CD101: variants seen among roughly 807,000 people sequenced by gnomAD.
CD101 encodes CD101 molecule.
In CD101, 76 loss-of-function variants were observed where a neutral mutation model predicts 98.2. The observed-to-expected ratio is 0.77, with a 90% CI of 0.64 to 0.94. The LOEUF (loss-of-function observed/expected upper bound fraction) is 0.94. Among genes scored for constraint, CD101 ranks in the 40% least tolerant of loss-of-function variants. The pLI is 0.00. For missense variants in CD101, 1,145 were observed against 1,218.8 expected (o/e 0.94, Z 0.90); for synonymous variants, 471 against 472.7 (o/e 1.00, Z 0.05).
intron 1 of CD101, among the ~76,000 whole-genome samples, chr1:117,007,358 T>C (rs916366640): frequency 1.4e-5 from 2 of 144,808 alleles, no homozygotes; most frequent in African/African-American, 5.0e-5. Flanking sequence ...CCTAGTTTGC[T>C]TTTTTTTTTT....
Position 117,025,819 on chromosome 1 carries a change from G to A in CD101, c.2739G>A (p.Glu913=), listed in dbSNP as rs765409075. 7 of 1,614,206 alleles carry A rather than the reference G, an allele frequency of 4.3e-6. No individual in the cohort carries two copies. The Admixed American group carries it at 1.2e-4, about 27-fold the overall frequency. Residue 913 remains glutamate, a synonymous_variant, in exon 8 of 10, where the codon GAG becomes GAA. Transcript: ENST00000682167. ...GAATGTACTGGTGTAGGGTGGCAGA[G>A]TGGCAGCTCCATGGACACCCAAGCA... ...DAGMYWCRVA[E]WQLHGHPSKW...
At chr1:117,002,398 C>T (rs1433320873) in intron 1 of CD101, among the ~76,000 whole-genome samples, 1 of 152,188 alleles carries the variant, frequency 6.6e-6, no homozygotes, top group Admixed American at 6.5e-5. Flanking sequence ...GGAAGATTCA[C>T]TTGGCTCTAC....
At chr1:117,003,107 A>G (rs767037764) in intron 1 of CD101, among the ~76,000 whole-genome samples, 17 of 152,206 alleles carry the variant, frequency 1.1e-4, no homozygotes, top group Non-Finnish European at 2.1e-4. Flanking sequence ...GAGCCACTGC[A>G]CTCCAGCCTG....
chr1:117,018,950 T>C lies in CD101; in HGVS notation c.2017+390T>C, dbSNP rs1408117688. ...TACCAGTTAGTAAACATTTGCAGTG[T>C]CTCTGCTAGTGGTAGGGATAAGGTA... On this transcript the variant is annotated intron_variant, in intron 6 of 9. Transcript: ENST00000682167. The surrounding 1 kb of genome is among the most constrained non-coding windows in gnomAD (Gnocchi z 4.3). Among the ~76,000 whole-genome samples the C allele has an allele frequency of 1.3e-5, 2 of 152,220 alleles. No individual in the cohort carries two copies. The highest frequency in any genetic ancestry group is 2.9e-5 in the Non-Finnish European group (2 of 68,038).
intron 8 of CD101, among the ~76,000 whole-genome samples, chr1:117,029,176 AAAG>A (rs1654177721): frequency 1.8e-5 from 2 of 108,136 alleles, no homozygotes; most frequent in African/African-American, 3.9e-5. Flanking sequence ...AGAAAGAAAG[AAAG>A]AAAGAAAGAA....
At chr1:117,013,002 G>C (rs939798674) in intron 3 of CD101, among the ~76,000 whole-genome samples, 7 of 152,074 alleles carry the variant, frequency 4.6e-5, no homozygotes, top group African/African-American at 1.7e-4. Context: ...AGAAAATTCT[G>C]CTGGATATTC....
Position 117,012,298 on chromosome 1 carries a change from A to G in CD101, c.841+332A>G, listed in dbSNP as rs1407900463. 6.6e-6 allele frequency among the ~76,000 whole-genome samples: 1 copy of G among 152,182 alleles called. No homozygotes were observed. The stretch of plus-strand genomic sequence containing the variant: ...CTAATTTAGTCGTAACCACCACCCT[A>G]TGAGGCAAGTAGTTGAGTCTCCATT... On this transcript the variant is annotated intron_variant, in intron 3 of 9. Coordinates refer to ENST00000682167, the MANE Select transcript of CD101 (RefSeq NM_001256106.3). This position sits in a 1 kb window ranked among gnomAD's most constrained non-coding sequence, Gnocchi z 4.0.
In CD101 at chr1:117,026,493, C is replaced by T. The variant is rs551193557; in HGVS notation, c.2824+589C>T. 6 of 152,404 alleles carry T rather than the reference C, an allele frequency of 3.9e-5. No individual in the cohort carries two copies. The East Asian group carries it at 1.2e-3, about 29-fold the overall frequency. The allele number at this position is 152,404 out of a possible 1,614,324, so 9.4% of individuals were successfully genotyped here. ...CTGTTCATTCCTCAGCAGAAGTTTT[C>T]TCCTGAGTGCCAGGCCAAAATGTTT... On this transcript the variant is annotated intron_variant, in intron 8 of 9. Coordinates refer to ENST00000682167, the MANE Select transcript of CD101 (RefSeq NM_001256106.3).
Position 117,011,517 on chromosome 1 carries a change from C to A in CD101, c.425-33C>A. ...GGAGGCCCACTGGACAAGCACTGGG[C>A]CAGTCACATTATTATCATTCCTTTG... On this transcript the variant is annotated intron_variant, in intron 2 of 9. Coordinates refer to ENST00000682167, the MANE Select transcript of CD101 (RefSeq NM_001256106.3). 1.9e-6 allele frequency: 3 copies of A among 1,583,944 alleles called. No homozygotes were observed. The South Asian group carries it at 3.5e-5, about 18-fold the overall frequency.
chr1:117,034,430 G>T lies in CD101; in HGVS notation c.*33+296G>T, dbSNP rs144483553. On this transcript the variant is annotated intron_variant, in intron 9 of 9. Coordinates refer to ENST00000682167, the MANE Select transcript of CD101 (RefSeq NM_001256106.3). Reference sequence around the variant, plus strand: ...CTGGAGGGCTAAATGAGATCCTACAGCAATGCCCTGGTGGGGCTTCTCTCT... The same window carrying T: ...CTGGAGGGCTAAATGAGATCCTACATCAATGCCCTGGTGGGGCTTCTCTCT... 2.6e-5 allele frequency among the ~76,000 whole-genome samples: 4 copies of T among 152,288 alleles called. No individual in the cohort carries two copies. The East Asian group carries it at 7.7e-4, about 29-fold the overall frequency.
rs142460852 is a variant in CD101, at chr1:117,013,796, C to T, written c.1228+4C>T. 2.8e-5 allele frequency: 45 copies of T among 1,606,078 alleles called. 1 individual carries two copies. The African/African-American group carries it at 2.9e-4, about 11-fold the overall frequency. On this transcript the variant is annotated splice_donor_region_variant and intron_variant, in intron 4 of 9. Coordinates refer to ENST00000682167, the MANE Select transcript of CD101 (RefSeq NM_001256106.3). ...GTGCACCTGAGGAAGCCAGCAGGTACGTAAAGTCAAGGCCAGGCATGCATT... is the reference window on the plus strand; with the variant it reads ...GTGCACCTGAGGAAGCCAGCAGGTATGTAAAGTCAAGGCCAGGCATGCATT...
chr1:117,033,755 T>C lies in CD101; in HGVS notation c.2825-105T>C. 1.3e-6 allele frequency: 2 copies of C among 1,494,942 alleles called. No individual in the cohort carries two copies. The highest frequency in any genetic ancestry group is 1.8e-6 in the Non-Finnish European group (2 of 1,101,946). 92.6% of individuals were successfully genotyped at this position (1,494,942 alleles called of 1,614,324 possible). A position where few individuals can be genotyped will look rare whatever the true frequency, so the allele number is the denominator to read the frequency against. ...GCCCACTGCTATTTGGCCCCATTAT[T>C]TTTACATATACTTGCCTATAACAAT... On this transcript the variant is annotated intron_variant, in intron 8 of 9. Coordinates refer to ENST00000682167, the MANE Select transcript of CD101 (RefSeq NM_001256106.3). This position sits in a 1 kb window ranked among gnomAD's most constrained non-coding sequence, Gnocchi z 4.8.
At position 117,013,519 on chromosome 1, in the gene CD101, T is replaced by C; in HGVS notation, c.955T>C (p.Trp319Arg). 4 of 1,614,206 alleles carry C rather than the reference T, an allele frequency of 2.5e-6. No homozygotes were observed. Among genetic ancestry groups the C allele is most frequent in the Non-Finnish European group, 3.4e-6 (4 of 1,180,026 alleles). ...CCGTGACCCACAGCTTCAAGGCATT[T>C]GGTTCTTCAATGGGACTGAAATTGC... ...SGRDPQLQGI[W>R]FFNGTEIAHI... is the part of the protein sequence containing the mutation. The change falls in exon 4 of 10, where the codon TGG becomes CGG. Residue 319 changes from tryptophan (W) to arginine (R), a missense_variant. Coordinates refer to ENST00000682167, the MANE Select transcript of CD101 (RefSeq NM_001256106.3).
Position 117,010,335 on chromosome 1 carries a change from TG to T in CD101, c.424+108del. On this transcript the variant is annotated intron_variant, in intron 2 of 9. Coordinates refer to ENST00000682167, the MANE Select transcript of CD101 (RefSeq NM_001256106.3). This position sits in a 1 kb window ranked among gnomAD's most constrained non-coding sequence, Gnocchi z 5.2. ...TGGCTTTATATTGTTCCATTTTCTT[TG>T]GGAAAAGAGCCCATGTACCCCTGTG... is the stretch of plus-strand genomic sequence containing the variant. 1 of 1,294,080 alleles carries T rather than the reference TG, an allele frequency of 7.7e-7. No homozygotes were observed. Among genetic ancestry groups the T allele is most frequent in the East Asian group, 2.3e-5 (1 of 42,688 alleles). 80.2% of individuals were successfully genotyped at this position (1,294,080 alleles called of 1,614,324 possible). A position where few individuals can be genotyped will look rare whatever the true frequency, so the allele number is the denominator to read the frequency against.
Position 117,034,481 on chromosome 1 carries a change from G to A in CD101, c.*33+347G>A, listed in dbSNP as rs573784221. On this transcript the variant is annotated intron_variant, in intron 9 of 9. Coordinates refer to ENST00000682167, the MANE Select transcript of CD101 (RefSeq NM_001256106.3). ...CCCTCTTATGTCACTTGTCACACCT[G>A]CTCTAGGTAATCATTTTCCTCCAGA... 2.6e-5 allele frequency among the ~76,000 whole-genome samples: 4 copies of A among 152,278 alleles called. No individual in the cohort carries two copies. In the East Asian group the frequency reaches 7.7e-4, roughly 29 times the overall value.
intron 8 of CD101, chr1:117,026,685 A>G (rs923240041): frequency 6.6e-6 from 1 of 152,232 alleles, no homozygotes; most frequent in African/African-American, 2.4e-5. Flanking sequence ...CTGTGATGAA[A>G]AGCGTATCTT....
At position 117,021,650 on chromosome 1, in the gene CD101, A is replaced by G. The variant is rs377288960; in HGVS notation, c.2095A>G (p.Ile699Val). ...INSNTDIECS[I>V]LSRSNGNLQL... is the part of the protein sequence containing the mutation. ...CTCCAACACTGATATAGAATGTAGC[A>G]TCTTGTCCCGGTCCAATGGAAACCT... Residue 699 changes from isoleucine to valine, a missense_variant, in exon 7 of 10, where the codon ATC becomes GTC. Coordinates refer to ENST00000682167, the MANE Select transcript of CD101 (RefSeq NM_001256106.3). This position sits in a 1 kb window ranked among gnomAD's most constrained non-coding sequence, Gnocchi z 4.7. 9.3e-6 allele frequency: 15 copies of G among 1,614,124 alleles called. No individual in the cohort carries two copies. The highest frequency in any genetic ancestry group is 2.2e-5 in the East Asian group (1 of 44,882).
In CD101 at chr1:117,036,068, A is replaced by T. The variant is rs1654805153; in HGVS notation, c.*34-100A>T. ...GCTCAAACACCTCTTCCCCTTTTGA[A>T]TCCAGCACAGAGATAGCACAGAGGA... On this transcript the variant is annotated intron_variant, in intron 9 of 9. Coordinates refer to ENST00000682167, the MANE Select transcript of CD101 (RefSeq NM_001256106.3). This position sits in a 1 kb window ranked among gnomAD's most constrained non-coding sequence, Gnocchi z 5.0. 1 of 152,334 alleles carries T rather than the reference A, an allele frequency of 6.6e-6. No individual in the cohort carries two copies. The highest frequency in any genetic ancestry group is 1.5e-5 in the Non-Finnish European group (1 of 68,212). The allele number at this position is 152,334 out of a possible 1,614,324, so 9.4% of individuals were successfully genotyped here.
Position 117,019,949 on chromosome 1 carries a change from T to C in CD101, c.2017+1389T>C, listed in dbSNP as rs1653476571. On this transcript the variant is annotated intron_variant, in intron 6 of 9. Transcript: ENST00000682167. This position sits in a 1 kb window ranked among gnomAD's most constrained non-coding sequence, Gnocchi z 4.3. ...CTGGTACATTTGTGTCTTTCCAGCA[T>C]CATCTCCTTCAACTTTCCATCGTGA... 6.6e-6 allele frequency among the ~76,000 whole-genome samples: 1 copy of C among 152,148 alleles called. No homozygotes were observed. The highest frequency in any genetic ancestry group is 2.4e-5 in the African/African-American group (1 of 41,416).
Sources: gnomAD v4.1 joint callset for allele counts (sites outside exome capture counted in the v4.1 genomes callset) on GRCh38, gnomAD v4.1.1 for gene constraint, Gnocchi (gnomAD v3.1) non-coding constraint, MANE v1.5 for transcripts, NCBI Gene and HGNC (gene_info 2026-07-23, HGNC 2026-07-21) for gene names.